NRXN2: variants seen among roughly 807,000 people sequenced by gnomAD.
NRXN2 encodes neurexin 2, also known as neurexin-2-beta.
Under a neutral mutation model 128.8 loss-of-function variants are expected in NRXN2, and 29 were observed. The observed-to-expected ratio is 0.23, with a 90% CI of 0.17 to 0.31. NRXN2 has a LOEUF of 0.31. Among genes scored for constraint, NRXN2 ranks in the 10% least tolerant of loss-of-function variants. The pLI is 1.00. For synonymous variants in NRXN2, 1,098 were observed against 1,075.2 expected, an observed-to-expected ratio of 1.02 and a Z score of -0.41; for missense variants, 1,881 against 2,452.6, an observed-to-expected ratio of 0.77 and a Z score of 4.92.
Position 64,632,640 on chromosome 11 carries a change from G to A in NRXN2, c.3586-2067C>T, listed in dbSNP as rs2044086050. ...CAGAGTGCCGGCCAGGGAGCTGGGA[G>A]GCAGGACACCTGGGTTTCCTAGGAG... On this transcript the variant is annotated intron_variant, in intron 18 of 22. Coordinates refer to ENST00000265459, the MANE Select transcript of NRXN2 (RefSeq NM_015080.4). The surrounding 1 kb of genome is among the most constrained non-coding windows in gnomAD (Gnocchi z 4.2). Among the ~76,000 whole-genome samples the A allele has an allele frequency of 6.6e-6, 1 of 152,174 alleles. No individual in the cohort carries two copies. Among genetic ancestry groups the A allele is most frequent in the Admixed American group, 6.5e-5 (1 of 15,286 alleles).
intron 2 of NRXN2, 28 bp from the exon 3 acceptor site, chr11:64,697,820 G>A (rs754851224): frequency 2.0e-5 from 32 of 1,613,168 alleles, no homozygotes; most frequent in East Asian, 4.5e-5. Flanking sequence ...CGGAGAAGAC[G>A]GAGGCAGAGA....
rs1262587328 is a variant in NRXN2, at chr11:64,650,483, T to C, written c.3074A>G (p.Gln1025Arg). Residue 1025 changes from glutamine to arginine, a missense_variant, in exon 15 of 23, where the codon CAG becomes CGG. By Grantham distance (43) the Gln-to-Arg change is conservative. This residue lies in a region of NRXN2 where 390 missense variants were observed against 599.6 expected (regional missense o/e 0.65). Transcript: ENST00000265459. ...GAGGTTTCGGGCGCCATTGGAGTGC[T>C]GCGTGACAGTGCGGGAGTCAATCTT... ...TLKIDSRTVT[Q>R]HSNGARNLDL... 2 of 1,614,170 alleles carry C rather than the reference T, an allele frequency of 1.2e-6. No individual in the cohort carries two copies. The highest frequency in any genetic ancestry group is 1.7e-6 in the Non-Finnish European group (2 of 1,180,030).
At position 64,667,723 on chromosome 11, in the gene NRXN2, C is replaced by G. The variant is rs768560520; in HGVS notation, c.1360-35G>C. ...GGGGTGGGGTCAGGGATAAAGAATC[C>G]GAAAGCAGCTTAGGGCCTGGCCACT... is the stretch of plus-strand genomic sequence containing the variant. On this transcript the variant is annotated intron_variant, in intron 8 of 22. Coordinates refer to ENST00000265459, the MANE Select transcript of NRXN2 (RefSeq NM_015080.4). This position sits in a 1 kb window ranked among gnomAD's most constrained non-coding sequence, Gnocchi z 5.6. 1 of 1,608,666 alleles carries G rather than the reference C, an allele frequency of 6.2e-7. No homozygotes were observed. The highest frequency in any genetic ancestry group is 8.5e-7 in the Non-Finnish European group (1 of 1,177,134).
intron 21 of NRXN2, among the ~76,000 whole-genome samples, chr11:64,620,945 T>C (rs1313674364): frequency 1.3e-5 from 2 of 151,364 alleles, no homozygotes; most frequent in African/African-American, 4.9e-5. Flanking sequence ...CTCTTACTTA[T>C]TGCAAAGAAA....
chr11:64,672,424 T>A (rs1565371822), intron 7 of NRXN2, among the ~76,000 whole-genome samples: 1 of 152,172 alleles, frequency 6.6e-6, no homozygotes, highest in East Asian at 1.9e-4. Context: ...CAGTTGCCTG[T>A]GATGATCACA....
At position 64,607,622 on chromosome 11, in the gene NRXN2, A is replaced by C. The variant is rs2039848138; in HGVS notation, c.4713T>G (p.Leu1571=). The C allele has an allele frequency of 1.3e-6, 2 of 1,534,162 alleles. No individual in the cohort carries two copies. Among genetic ancestry groups the C allele is most frequent in the Non-Finnish European group, 1.8e-6 (2 of 1,142,524 alleles). ...AGGGCGGGTTCTCCAGCAAGGGCTG[A>C]AGCGGGTCTCGGTGGTTCATTTTGC... ...PAGKMNHRDP[L]QPLLENPPLG... The change falls in exon 23 of 23, where the codon CTT becomes CTG. Residue 1571 remains leucine, a synonymous_variant. Coordinates refer to ENST00000265459, the MANE Select transcript of NRXN2 (RefSeq NM_015080.4).
chr11:64,709,037 CA>C (rs1175232932), intron 2 of NRXN2, among the ~76,000 whole-genome samples: 1 of 151,968 alleles, frequency 6.6e-6, no homozygotes, highest in African/African-American at 2.4e-5. Context: ...ACTAAAAATA[CA>C]AAAATTAGCT....
At chr11:64,628,706 G>C (rs2043422746) in intron 19 of NRXN2, among the ~76,000 whole-genome samples, 2 of 152,236 alleles carry the variant, frequency 1.3e-5, no homozygotes, top group Admixed American at 1.3e-4. Context: ...GGTTGCCCTA[G>C]TATGTGTGCA....
Position 64,650,537 on chromosome 11 carries a change from G to T in NRXN2, c.3020C>A (p.Ser1007Tyr). ...CGTGTGCACGTTGCCTGGGTCCCTG[G>T]ACACCACCACGTTGTGCCACTGGTT... is the stretch of plus-strand genomic sequence containing the variant. ...NDNQWHNVVV[S>Y]RDPGNVHTLK... The change falls in exon 15 of 23, where the codon TCC becomes TAC. Residue 1007 changes from serine (S) to tyrosine (Y), a missense_variant. By Grantham distance (144) the Ser-to-Tyr change is moderately radical. Transcript: ENST00000265459. 6.2e-7 allele frequency: 1 copy of T among 1,614,174 alleles called. No individual in the cohort carries two copies.
At position 64,661,024 on chromosome 11, in the gene NRXN2, G is replaced by A; in HGVS notation, c.1914C>T (p.Asp638=). 1 of 1,613,638 alleles carries A rather than the reference G, an allele frequency of 6.2e-7. No individual in the cohort carries two copies. Among genetic ancestry groups the A allele is most frequent in the Non-Finnish European group, 8.5e-7 (1 of 1,179,992 alleles). The change falls in exon 10 of 23, where the codon GAC becomes GAT. Residue 638 remains aspartate (D), a synonymous_variant. Coordinates refer to ENST00000265459, the MANE Select transcript of NRXN2 (RefSeq NM_015080.4). ...LGGLPEGGRV[D]LPLPPEVWTA... ...TCCACACCTCTGGGGGCAGGGGCAG[G>A]TCCACCCGGCCCCCCTCAGGGAGAC...
chr11:64,662,981 T>A (rs1397144917), intron 9 of NRXN2, among the ~76,000 whole-genome samples: 4 of 151,828 alleles, frequency 2.6e-5, no homozygotes, highest in Non-Finnish European at 5.9e-5. Flanking sequence ...GGGAGGAGAA[T>A]CAATGTGAGC....
intron 7 of NRXN2, among the ~76,000 whole-genome samples, chr11:64,671,186 G>A (rs1443023838): frequency 1.3e-5 from 2 of 152,136 alleles, no homozygotes; most frequent in African/African-American, 2.4e-5. Flanking sequence ...ACCCAGGGGT[G>A]GAGTAGCAGG....
intron 17 of NRXN2, among the ~76,000 whole-genome samples, chr11:64,644,343 G>A (rs910549723): frequency 6.6e-6 from 1 of 151,396 alleles, no homozygotes; most frequent in Non-Finnish European, 1.5e-5. Flanking sequence ...CCCTGCACAA[G>A]CCTCTCCTGG....
chr11:64,665,966 C>T (rs1270354524), intron 9 of NRXN2, among the ~76,000 whole-genome samples: 1 of 152,156 alleles, frequency 6.6e-6, no homozygotes, highest in African/African-American at 2.4e-5. Context: ...CAAGAACAGG[C>T]ATCTGTCTGA....
chr11:64,713,445 G>T lies in NRXN2; in HGVS notation c.255C>A (p.Gly85=). 1 of 1,519,010 alleles carries T rather than the reference G, an allele frequency of 6.6e-7. No homozygotes were observed. The highest frequency in any genetic ancestry group is 2.0e-5 in the Admixed American group (1 of 49,322). The allele number at this position is 1,519,010 out of a possible 1,614,324, so 94.1% of individuals were successfully genotyped here. A position where few individuals can be genotyped will look rare whatever the true frequency, so the allele number is the denominator to read the frequency against. Residue 85 remains glycine, a synonymous_variant, in exon 2 of 23, where the codon GGC becomes GGA. Transcript: ENST00000265459. Reference sequence around the variant, plus strand: ...AAAGCGTGAAGCGCAGCCGCAGGCGGCCGTCCACCAGCAGCAGCTCCAGGA... The same window carrying T: ...AAAGCGTGAAGCGCAGCCGCAGGCGTCCGTCCACCAGCAGCAGCTCCAGGA... The part of the protein sequence containing the change: ...CDFLELLLVD[G]RLRLRFTLSC...
Position 64,607,783 on chromosome 11 carries a change from G to C in NRXN2, c.4552C>G (p.Pro1518Ala), listed in dbSNP as rs764827298. The C allele has an allele frequency of 8.8e-6, 14 of 1,596,968 alleles. No individual in the cohort carries two copies. In the African/African-American group the frequency reaches 1.9e-4, roughly 21 times the overall value. Reference protein sequence around the residue: ...TDDEDFYTTFPLVTDRTTLLS... With the variant: ...TDDEDFYTTFALVTDRTTLLS... ...AGGGTGGTGCGGTCCGTGACCAGGG[G>C]AAAGGTGGTGTAAAAGTCCTCGTCG... The change falls in exon 23 of 23, where the codon CCC (proline) becomes GCC (alanine). Residue 1518 changes from proline (P) to alanine (A), a missense_variant. Pro to Ala is a conservative substitution (Grantham distance 27). Coordinates refer to ENST00000265459, the MANE Select transcript of NRXN2 (RefSeq NM_015080.4).
At chr11:64,672,023 G>A (rs986829271) in intron 7 of NRXN2, among the ~76,000 whole-genome samples, 1 of 152,150 alleles carries the variant, frequency 6.6e-6, no homozygotes, top group African/African-American at 2.4e-5. Flanking sequence ...ACTCAACACA[G>A]ACAAGCAGGC....
At chr11:64,654,621 T>C (rs1371103077) in intron 11 of NRXN2, among the ~76,000 whole-genome samples, 1 of 152,174 alleles carries the variant, frequency 6.6e-6, no homozygotes, top group Admixed American at 6.5e-5. Flanking sequence ...CTGAAGCCTC[T>C]GGCCATCCCT....
chr11:64,641,752 C>T (rs964106220), intron 17 of NRXN2, among the ~76,000 whole-genome samples: 2 of 151,654 alleles, frequency 1.3e-5, no homozygotes, highest in South Asian at 4.2e-4. Flanking sequence ...AAGTGGACAG[C>T]GATAGAGGAC....
Sources: allele counts gnomAD v4.1 joint callset (sites outside exome capture counted in the v4.1 genomes callset), GRCh38; gene constraint gnomAD v4.1.1; regional missense constraint gnomAD v4.1.1; non-coding constraint Gnocchi (gnomAD v3.1); transcripts MANE v1.5; gene names NCBI Gene and HGNC (gene_info 2026-07-23, HGNC 2026-07-21).